The following TEDC2 variants were observed in gnomAD, a reference collection of about 807,000 sequenced individuals.
TEDC2 encodes the protein tubulin epsilon and delta complex protein 2.
In TEDC2, 49 loss-of-function variants were observed where a neutral mutation model predicts 48.1. The observed-to-expected ratio is 1.02, with a 90% CI of 0.81 to 1.29. The LOEUF is 1.29. Ranked by LOEUF, TEDC2 falls within the 50% of genes most tolerant of loss-of-function variation. The probability of loss-of-function intolerance (pLI) is 0.00; values close to 1 mark genes in which losing one functional copy is unlikely to be tolerated. For missense variants in TEDC2, 631 were observed against 571.4 expected, an observed-to-expected ratio of 1.10 and a Z score of -1.06; for synonymous variants, 299 against 247.1, an observed-to-expected ratio of 1.21 and a Z score of -1.97.
Position 2,462,450 on chromosome 16 carries a change from G to A in TEDC2, c.786G>A (p.Glu262=). 1 of 1,611,698 alleles carries A rather than the reference G, an allele frequency of 6.2e-7. No individual in the cohort carries two copies. Among genetic ancestry groups the A allele is most frequent in the Non-Finnish European group, 8.5e-7 (1 of 1,179,600 alleles). ...CCCAGCCCAGGCTCAGTGCTGTGGA[G>A]GTGGAGGCGGAGGCGGGGCGCCTGC... ...GGPQPRLSAV[E]VEAEAGRLRK... is the part of the protein sequence containing the mutation. Residue 262 remains glutamate (E), a synonymous_variant, in exon 7 of 10, where the codon GAG becomes GAA. Coordinates refer to ENST00000361837, the MANE Select transcript of TEDC2 (RefSeq NM_025108.3).
At position 2,462,148 on chromosome 16, in the gene TEDC2, G is replaced by A; in HGVS notation, c.660-1G>A. 6.2e-7 allele frequency: 1 copy of A among 1,612,946 alleles called. No homozygotes were observed. The highest frequency in any genetic ancestry group is 8.5e-7 in the Non-Finnish European group (1 of 1,179,976). ...CTGTGCACCCCACGTGTGCACCCCA[G>A]CCTGTGGGCCCAGCTCAGTTCCACA... On this transcript the variant is annotated splice_acceptor_variant, in intron 5 of 9. Coordinates refer to ENST00000361837, the MANE Select transcript of TEDC2 (RefSeq NM_025108.3). LOFTEE classifies it high-confidence loss of function.
Position 2,464,685 on chromosome 16 carries a change from C to CTTT in TEDC2, c.*17_*18insTTT. Reference sequence around the variant, plus strand: ...GCAGTCTGAGCCTTTCCCATGCTGCCCTCGGCCTGTTCAGATGGGGATTGG... The same window carrying CTTT: ...GCAGTCTGAGCCTTTCCCATGCTGCCTTTCTCGGCCTGTTCAGATGGGGATTGG... On this transcript the variant is annotated 3_prime_UTR_variant, in exon 10 of 10. Coordinates refer to ENST00000361837, the MANE Select transcript of TEDC2 (RefSeq NM_025108.3). 1.2e-6 allele frequency: 2 copies of CTTT among 1,612,572 alleles called. No homozygotes were observed. The highest frequency in any genetic ancestry group is 1.7e-6 in the Non-Finnish European group (2 of 1,179,822).
chr16:2,461,261 C>T, intron 4 of TEDC2, 37 bp downstream of exon 4: 6 of 1,438,994 alleles, frequency 4.2e-6, no homozygotes, highest in Non-Finnish European at 5.5e-6. Flanking sequence ...GGACTTCTGT[C>T]TCTGCCTCCT....
At chr16:2,464,369 G>A (rs1455156793) in intron 9 of TEDC2, 140 bp downstream of exon 9, 6 of 1,340,324 alleles carry the variant, frequency 4.5e-6, no homozygotes, top group Middle Eastern at 2.3e-4. Context: ...GTTGGGAAGT[G>A]CATGGGTCAG....
In TEDC2 at chr16:2,460,908, G is replaced by T; in HGVS notation, c.289G>T (p.Ala97Ser). The T allele has an allele frequency of 1.5e-5, 25 of 1,613,606 alleles. No individual in the cohort carries two copies. Among genetic ancestry groups the T allele is most frequent in the Non-Finnish European group, 2.0e-5 (24 of 1,180,014 alleles). The change falls in exon 4 of 10, where the codon GCC becomes TCC. Residue 97 changes from alanine to serine, a missense_variant. Coordinates refer to ENST00000361837, the MANE Select transcript of TEDC2 (RefSeq NM_025108.3). ...ACGAGTTCGAAGAGGCATCACTAAG[G>T]CCGGAGAGAGAGACAAGGCCCCCAG... The part of the protein sequence containing the change: ...AVRVRRGITK[A>S]GERDKAPSLK...
Position 2,464,650 on chromosome 16 carries a change from G to A in TEDC2, c.1284G>A (p.Arg428=), listed in dbSNP as rs1286790648. ...GAGCACGTGTCCTTACCATCCTGCG[G>A]GATGAACCTGCAGTCTGAGCCTTTC... ...EGGARVLTIL[R]DEPAV is the part of the protein sequence containing the mutation. Residue 428 remains arginine (R), a synonymous_variant, in exon 10 of 10, where the codon CGG becomes CGA. Coordinates refer to ENST00000361837, the MANE Select transcript of TEDC2 (RefSeq NM_025108.3). 1.2e-6 allele frequency: 2 copies of A among 1,613,058 alleles called. No homozygotes were observed. Among genetic ancestry groups the A allele is most frequent in the Non-Finnish European group, 1.7e-6 (2 of 1,179,980 alleles).
chr16:2,460,211 G>A (rs965364502), intron 1 of TEDC2, 41 bp downstream of exon 1: 13 of 1,435,616 alleles, frequency 9.1e-6, no homozygotes, highest in Non-Finnish European at 1.1e-5. Context: ...GGATGCGGGC[G>A]GGCCGGTAGC....
In TEDC2 at chr16:2,462,657, C is replaced by G. The variant is rs770395227; in HGVS notation, c.889C>G (p.Arg297Gly). Residue 297 changes from arginine to glycine, a missense_variant, in exon 8 of 10, where the codon CGC becomes GGC. By Grantham distance (125) the Arg-to-Gly change is moderately radical. Coordinates refer to ENST00000361837, the MANE Select transcript of TEDC2 (RefSeq NM_025108.3). Reference protein sequence around the residue: ...AAPMDWMQEYRCLLTLEGLQA... With the variant: ...AAPMDWMQEYGCLLTLEGLQA... The stretch of plus-strand genomic sequence containing the variant: ...CCCCATGGACTGGATGCAGGAGTAC[C>G]GCTGCCTGCTCACGCTGGAGGGGCT... The G allele has an allele frequency of 2.6e-6, 4 of 1,548,068 alleles. No homozygotes were observed. In the East Asian group the frequency reaches 9.7e-5, roughly 38 times the overall value.
rs866014930 is a variant in TEDC2, at chr16:2,460,843, A to G, written c.224A>G (p.Lys75Arg). 4 of 1,612,946 alleles carry G rather than the reference A, an allele frequency of 2.5e-6. No homozygotes were observed. Among genetic ancestry groups the G allele is most frequent in the African/African-American group, 1.3e-5 (1 of 74,886 alleles). The part of the protein sequence containing the change: ...PACTPSPQDL[K>R]ELEFLTQALE... ...TGCACACCCAGTCCACAAGACCTCA[A>G]AGAGTTGGAGTTTCTGACCCAGGCA... Residue 75 changes from lysine to arginine, a missense_variant, in exon 4 of 10, where the codon AAA becomes AGA. Transcript: ENST00000361837.
chr16:2,460,638 C>T lies in TEDC2; in HGVS notation c.141C>T (p.Thr47=), dbSNP rs778389569. Residue 47 remains threonine (T), a synonymous_variant, in exon 3 of 10, where the codon ACC becomes ACT. Coordinates refer to ENST00000361837, the MANE Select transcript of TEDC2 (RefSeq NM_025108.3). ...GTCTTTGCAGGGAACCAACTGGGAC[C>T]CGGGCTTTGAAGCCACCTCCAGGGC... ...RLLHAWEPTG[T]RALKPPPGPE... 2 of 1,613,000 alleles carry T rather than the reference C, an allele frequency of 1.2e-6. No homozygotes were observed. The highest frequency in any genetic ancestry group is 2.2e-5 in the South Asian group (2 of 91,084).
chr16:2,461,753 GCTGCGGCTGC>G lies in TEDC2; in HGVS notation c.620_629del (p.Leu207HisfsTer68), dbSNP rs749580234. On this transcript the variant is annotated frameshift_variant, in exon 5 of 10. Transcript: ENST00000361837. LOFTEE classifies it high-confidence loss of function. ...ACACGGGCTTCTCCGACAGGCACCT[GCTGCGGCTGC>G]CTGCGGCATTCAGGAAAGCAGCTTC... 4.3e-6 allele frequency: 7 copies of G among 1,613,268 alleles called. No homozygotes were observed. In the East Asian group the frequency reaches 1.6e-4, roughly 36 times the overall value.
chr16:2,462,574 C>A, intron 7 of TEDC2, 48 bp downstream of exon 7: 1 of 1,557,204 alleles, frequency 6.4e-7, no homozygotes, highest in Non-Finnish European at 8.7e-7. Context: ...AGGGCCAGTG[C>A]AGGGAGGGTT....
At chr16:2,464,011 C>T (rs372529217) in intron 8 of TEDC2, 28 bp from the exon 9 acceptor site, 6 of 1,591,086 alleles carry the variant, frequency 3.8e-6, no homozygotes, top group East Asian at 2.3e-5. Flanking sequence ...GCTGCTACCC[C>T]AAAGGCCACA....
intron 8 of TEDC2, 146 bp from the exon 9 acceptor site, chr16:2,463,893 C>A: frequency 1.1e-6 from 1 of 881,134 alleles, no homozygotes. Context: ...CCAAGACACA[C>A]CATCTTGCAT....
intron 4 of TEDC2, chr16:2,461,546 C>T (rs527436597): frequency 7.5e-5 from 50 of 667,370 alleles, no homozygotes; most frequent in Non-Finnish European, 1.2e-4. Context: ...AGGGCCCCCT[C>T]TTCTCTCTAA....
Position 2,462,343 on chromosome 16 carries a change from C to G in TEDC2, c.751-72C>G, listed in dbSNP as rs576054665. 137 of 1,598,952 alleles carry G rather than the reference C, an allele frequency of 8.6e-5. 2 individuals are homozygous for G. In the South Asian group the frequency reaches 1.4e-3, roughly 17 times the overall value. On this transcript the variant is annotated intron_variant, in intron 6 of 9. Transcript: ENST00000361837. Reference sequence around the variant, plus strand: ...GGCTGGCGTGGGATGGCCAGGGCCACTCCCCAGGCCCCGTTCTTGGTGGGA... The same window carrying G: ...GGCTGGCGTGGGATGGCCAGGGCCAGTCCCCAGGCCCCGTTCTTGGTGGGA...
Position 2,460,939 on chromosome 16 carries a change from A to C in TEDC2, c.320A>C (p.Lys107Thr), listed in dbSNP as rs1455339387. Residue 107 changes from lysine to threonine, a missense_variant, in exon 4 of 10, where the codon AAA becomes ACA. Coordinates refer to ENST00000361837, the MANE Select transcript of TEDC2 (RefSeq NM_025108.3). ...AGERDKAPSL[K>T]SRSIVTSSGT... is the part of the protein sequence containing the mutation. ...GAGAGAGACAAGGCCCCCAGCCTGA[A>C]ATCTAGGTCCATTGTCACCTCTTCT... 6.2e-7 allele frequency: 1 copy of C among 1,613,404 alleles called. No homozygotes were observed. Among genetic ancestry groups the C allele is most frequent in the African/African-American group, 1.3e-5 (1 of 74,918 alleles).
rs955744679 is a variant in TEDC2, at chr16:2,464,949, C to T, written c.*281C>T. On this transcript the variant is annotated 3_prime_UTR_variant, in exon 10 of 10. Transcript: ENST00000361837. ...AAGAGCCGCTTGTGTGATATTAAAG[C>T]CACTTTAGAAAGCATTTGTGTTTAT... The T allele has an allele frequency of 1.4e-4, 66 of 459,850 alleles. No homozygotes were observed. Among genetic ancestry groups the T allele is most frequent in the South Asian group, 8.8e-4 (37 of 41,978 alleles). The allele number at this position is 459,850 out of a possible 1,614,324, so 28.5% of individuals were successfully genotyped here.
rs1596939776 is a variant in TEDC2 at position 2,462,412 on chromosome 16, C to T, written c.751-3C>T. On this transcript the variant is annotated splice_region_variant and splice_polypyrimidine_tract_variant and intron_variant, in intron 6 of 9. Transcript: ENST00000361837. The stretch of plus-strand genomic sequence containing the variant: ...CAGGGAAGTTTTCCTGACCCATATC[C>T]AGTCAGGCGGGCCCCAGCCCAGGCT... 1 of 1,611,992 alleles carries T rather than the reference C, an allele frequency of 6.2e-7. No homozygotes were observed. Among genetic ancestry groups the T allele is most frequent in the Admixed American group, 1.7e-5 (1 of 60,018 alleles).
Sources: allele counts gnomAD v4.1 joint callset, GRCh38; gene constraint gnomAD v4.1.1; transcripts MANE v1.5; gene names NCBI Gene and HGNC (gene_info 2026-07-23, HGNC 2026-07-21).